RSPH4A: variants seen among roughly 807,000 people sequenced by gnomAD.
RSPH4A encodes the protein radial spoke head component 4A, also known as radial spoke head protein 4 homolog A.
Under a neutral mutation model 71.0 loss-of-function variants are expected in RSPH4A, and 47 were observed. The ratio of observed to expected loss-of-function variants is 0.66; its 90% CI spans 0.52 to 0.84. The LOEUF (loss-of-function observed/expected upper bound fraction) is 0.84, where lower values mean the gene tolerates loss of function less well. Ranked by LOEUF, RSPH4A falls within the 40% of genes least tolerant of loss-of-function variation. The probability of loss-of-function intolerance (pLI) is 0.00; values close to 1 mark genes in which losing one functional copy is unlikely to be tolerated. For synonymous variants in RSPH4A, 282 were observed against 302.3 expected (o/e 0.93, Z 0.70); for missense variants, 793 against 855.2 (o/e 0.93, Z 0.91).
chr6:116,630,359 A>G (rs1255843444), intron 4 of RSPH4A, 76 bp from the exon 5 acceptor site: 14 of 806,514 alleles, frequency 1.7e-5, no homozygotes, highest in Non-Finnish European at 2.7e-5. Flanking sequence ...GTGTGTGTGT[A>G]TTTATAAAAA....
chr6:116,630,870 T>TTC (rs1554249740), intron 5 of RSPH4A, among the ~76,000 whole-genome samples: 11 of 144,804 alleles, frequency 7.6e-5, no homozygotes, highest in Non-Finnish European at 1.7e-4. Context: ...TTTTTTTTTT[T>TTC]AGTAGAGACA....
chr6:116,628,118 A>G lies in RSPH4A; in HGVS notation c.1411A>G (p.Ile471Val), dbSNP rs1775730400. Residue 471 changes from isoleucine (I) to valine (V), a missense_variant, in exon 3 of 6, where the codon ATA becomes GTA. By Grantham distance (29) the Ile-to-Val change is conservative. Transcript: ENST00000229554. ...CACTGGGCGATTGGATGCTCCCATC[A>G]TAAGCTACCCACCTTTCCCAGGAAA... Reference protein sequence around the residue: ...FFTGRLDAPIISYPPFPGNES... With the variant: ...FFTGRLDAPIVSYPPFPGNES... 6.2e-7 allele frequency: 1 copy of G among 1,614,216 alleles called. No individual in the cohort carries two copies. The highest frequency in any genetic ancestry group is 8.5e-7 in the Non-Finnish European group (1 of 1,180,032).
At chr6:116,630,676 T>TTG in intron 5 of RSPH4A, 124 bp downstream of exon 5, 2 of 533,198 alleles carry the variant, frequency 3.8e-6, no homozygotes, top group Admixed American at 3.2e-5. Context: ...TGTTTTTTTT[T>TTG]TTTTTTTTTT....
intron 4 of RSPH4A, 113 bp from the exon 5 acceptor site, chr6:116,630,322 T>C: frequency 2.6e-6 from 2 of 765,810 alleles, no homozygotes; most frequent in South Asian, 2.7e-5. Flanking sequence ...CAAGTATGTG[T>C]GTATCTGTGT....
intron 5 of RSPH4A, among the ~76,000 whole-genome samples, chr6:116,631,744 T>C (rs1254772007): frequency 6.6e-6 from 1 of 152,162 alleles, no homozygotes; most frequent in Non-Finnish European, 1.5e-5. Flanking sequence ...ACTCCAAGTC[T>C]GATGTGCCAG....
Position 116,632,408 on chromosome 6 carries a change from GGAAGAT to G in RSPH4A, c.2127_2132del (p.Asp710_Glu711del). 2 of 1,613,782 alleles carry G rather than the reference GGAAGAT, an allele frequency of 1.2e-6. No homozygotes were observed. Among genetic ancestry groups the G allele is most frequent in the Non-Finnish European group, 1.7e-6 (2 of 1,179,880 alleles). On this transcript the variant is annotated inframe_deletion, in exon 6 of 6. Transcript: ENST00000229554. ...TCGCAGCTGAGAATGAAGAATCTGA[GGAAGAT>G]GAAGATGAGGAAGATGATTATGACT... is the stretch of plus-strand genomic sequence containing the variant.
intron 3 of RSPH4A, 140 bp from the exon 4 acceptor site, chr6:116,629,427 G>A (rs1201608387): frequency 7.3e-6 from 7 of 956,746 alleles, no homozygotes; most frequent in Non-Finnish European, 1.1e-5. Flanking sequence ...AATAGCACTT[G>A]GAAAATGTAT....
chr6:116,621,096 TG>T (rs1775597664), intron 1 of RSPH4A, among the ~76,000 whole-genome samples: 1 of 152,120 alleles, frequency 6.6e-6, no homozygotes, highest in Non-Finnish European at 1.5e-5. Context: ...TGACCTCAGG[TG>T]GTCCGCCCAC....
rs751402077 is a variant in RSPH4A at position 116,627,773 on chromosome 6, T to C, written c.1066T>C (p.Trp356Arg). 1 of 1,614,118 alleles carries C rather than the reference T, an allele frequency of 6.2e-7. No individual in the cohort carries two copies. Among genetic ancestry groups the C allele is most frequent in the Non-Finnish European group, 8.5e-7 (1 of 1,180,012 alleles). Residue 356 changes from tryptophan to arginine, a missense_variant, in exon 3 of 6, where the codon TGG becomes CGG. Trp to Arg is a moderately radical substitution (Grantham distance 101). Coordinates refer to ENST00000229554, the MANE Select transcript of RSPH4A (RefSeq NM_001010892.3). ...DTHPIQRCRF[W>R]GKILGLEMNY... is the part of the protein sequence containing the mutation. ...CCACCCAATCCAAAGATGCCGCTTC[T>C]GGGGAAAGATCTTGGGTCTGGAAAT...
Position 116,623,810 on chromosome 6 carries a change from G to C in RSPH4A, c.921+808G>C, listed in dbSNP as rs57804955. Among the ~76,000 whole-genome samples, 948 of 152,126 alleles carry C rather than the reference G, an allele frequency of 6.2e-3. 11 individuals are homozygous for C. The highest frequency in any genetic ancestry group is 0.022 in the African/African-American group (925 of 41,518). On this transcript the variant is annotated intron_variant, in intron 2 of 5. Coordinates refer to ENST00000229554, the MANE Select transcript of RSPH4A (RefSeq NM_001010892.3). Reference sequence around the variant, plus strand: ...TTGATATTATGTATATTACATCAATGGGATGTAATACAAGAGGAGAGGAGT... The same window carrying C: ...TTGATATTATGTATATTACATCAATCGGATGTAATACAAGAGGAGAGGAGT...
Position 116,632,536 on chromosome 6 carries a change from TAC to T in RSPH4A, c.*97_*98del. Reference sequence around the variant, plus strand: ...CACTTTTCTGTGTTATGTGTGTATATACATACACATGTAAGAAATTATTCAAC... The same window carrying T: ...CACTTTTCTGTGTTATGTGTGTATATATACACATGTAAGAAATTATTCAAC... On this transcript the variant is annotated 3_prime_UTR_variant, in exon 6 of 6. Coordinates refer to ENST00000229554, the MANE Select transcript of RSPH4A (RefSeq NM_001010892.3). The T allele has an allele frequency of 7.1e-7, 1 of 1,413,344 alleles. No individual in the cohort carries two copies. 87.6% of individuals were successfully genotyped at this position (1,413,344 alleles called of 1,614,324 possible).
In RSPH4A at chr6:116,616,916, C is replaced by T. The variant is rs1334975476; in HGVS notation, c.293C>T (p.Ala98Val). 4.3e-6 allele frequency: 7 copies of T among 1,614,110 alleles called. No individual in the cohort carries two copies. Among genetic ancestry groups the T allele is most frequent in the Admixed American group, 1.7e-5 (1 of 60,016 alleles). ...CCCTCTTCCTCTCCTTCTCCCCTGGCTCCGGCCAGACAAGACCTCGCGGCA... is the reference window on the plus strand; with the variant it reads ...CCCTCTTCCTCTCCTTCTCCCCTGGTTCCGGCCAGACAAGACCTCGCGGCA... ...REPSSSPSPL[A>V]PARQDLAAPP... Residue 98 changes from alanine to valine, a missense_variant, in exon 1 of 6, where the codon GCT (alanine) becomes GTT (valine). Physicochemically the swap from Ala to Val is moderately conservative, Grantham distance 64. Transcript: ENST00000229554.
chr6:116,628,510 C>A, intron 3 of RSPH4A, 141 bp downstream of exon 3: 1 of 683,022 alleles, frequency 1.5e-6, no homozygotes, highest in Non-Finnish European at 2.5e-6. Context: ...AAAAACACAG[C>A]CAAAAATGCA....
At chr6:116,627,410 A>T (rs1207178066) in intron 2 of RSPH4A, among the ~76,000 whole-genome samples, 2 of 152,240 alleles carry the variant, frequency 1.3e-5, no homozygotes, top group East Asian at 3.9e-4. Flanking sequence ...CATGTTGGCC[A>T]GTCTTGAACT....
intron 1 of RSPH4A, 77 bp downstream of exon 1, chr6:116,617,386 T>A: frequency 2.0e-6 from 2 of 1,006,598 alleles, no homozygotes; most frequent in Non-Finnish European, 3.0e-6. Flanking sequence ...GAGAGTGTGT[T>A]TCTGTGGGTG....
intron 2 of RSPH4A, among the ~76,000 whole-genome samples, chr6:116,624,781 A>G (rs1213190088): frequency 6.6e-6 from 1 of 152,212 alleles, no homozygotes; most frequent in East Asian, 1.9e-4. Context: ...GCATTCATTT[A>G]TTCATTCACC....
At position 116,617,322 on chromosome 6, in the gene RSPH4A, G is replaced by A. The variant is rs1326496137; in HGVS notation, c.686+13G>A. On this transcript the variant is annotated intron_variant, in intron 1 of 5. Transcript: ENST00000229554. ...CGGGCTTTAATCTGTAAGTCTCAGA[G>A]GGAAAAAAGATAAATGTTTGGCAAA... is the stretch of plus-strand genomic sequence containing the variant. The A allele has an allele frequency of 3.1e-6, 5 of 1,597,770 alleles. No homozygotes were observed. The highest frequency in any genetic ancestry group is 4.3e-6 in the Non-Finnish European group (5 of 1,169,950).
intron 1 of RSPH4A, among the ~76,000 whole-genome samples, chr6:116,620,548 C>A (rs1057178110): frequency 6.6e-6 from 1 of 152,138 alleles, no homozygotes; most frequent in South Asian, 2.1e-4. Context: ...AGAATTGCTT[C>A]CTCCTTTTCT....
chr6:116,623,220 G>T (rs1775641977), intron 2 of RSPH4A, among the ~76,000 whole-genome samples: 1 of 152,004 alleles, frequency 6.6e-6, no homozygotes, highest in Admixed American at 6.6e-5. Flanking sequence ...TGAGTAGCTG[G>T]GACTTCAGGC....
Sources: allele counts gnomAD v4.1 joint callset (sites outside exome capture counted in the v4.1 genomes callset), GRCh38; gene constraint gnomAD v4.1.1; transcripts MANE v1.5; gene names NCBI Gene and HGNC (gene_info 2026-07-23, HGNC 2026-07-21).